Variants in DCTN4 observed in about 807,000 individuals in gnomAD.
DCTN4 encodes dynactin 4 (p62).
DCTN4 carries 23 observed loss-of-function variants against 62.7 expected under a neutral mutation model. The ratio of observed to expected loss-of-function variants is 0.37; its 90% CI spans 0.26 to 0.52. DCTN4 has a LOEUF of 0.52. Ranked by LOEUF, DCTN4 falls within the 20% of genes least tolerant of loss-of-function variation. The pLI, the probability that DCTN4 is intolerant of heterozygous loss-of-function variation, is 0.92. For missense variants in DCTN4, 514 were observed against 580.4 expected (o/e 0.89, Z 1.18); for synonymous variants, 199 against 202.1 (o/e 0.98, Z 0.13).
At chr5:150,715,427 C>T in intron 12 of DCTN4, 138 bp downstream of exon 12, 3 of 637,802 alleles carry the variant, frequency 4.7e-6, no homozygotes, top group Admixed American at 3.1e-5. Context: ...CATATATTTC[C>T]CCAATTTTCT....
chr5:150,713,648 T>C (rs1759653061), intron 12 of DCTN4, among the ~76,000 whole-genome samples: 1 of 151,484 alleles, frequency 6.6e-6, no homozygotes, highest in Middle Eastern at 3.4e-3. Context: ...TTCGCCATGT[T>C]GGCCAGGCTG....
intron 4 of DCTN4, among the ~76,000 whole-genome samples, chr5:150,740,474 C>G (rs1317848385): frequency 6.6e-6 from 1 of 151,984 alleles, no homozygotes; most frequent in East Asian, 1.9e-4. Flanking sequence ...TAGTACACCA[C>G]TATGGAAAAC....
At chr5:150,744,000 G>A (rs1561705549) in intron 3 of DCTN4, among the ~76,000 whole-genome samples, 1 of 152,182 alleles carries the variant, frequency 6.6e-6, no homozygotes, top group Non-Finnish European at 1.5e-5. Flanking sequence ...CCGAGCTACA[G>A]GAGGAAATTC....
At chr5:150,758,013 T>C (rs944875642) in intron 1 of DCTN4, 3 of 916,350 alleles carry the variant, frequency 3.3e-6, no homozygotes, top group East Asian at 2.3e-4. Flanking sequence ...ATAAAGCACA[T>C]GACATATAGC....
At position 150,731,459 on chromosome 5, in the gene DCTN4, G is replaced by A. The variant is rs200481750; in HGVS notation, c.568C>T (p.Arg190Ter). Residue 190 changes from arginine to a stop codon, truncating the protein, a stop_gained, in exon 6 of 13, where the codon CGA becomes TGA. Coordinates refer to ENST00000447998, the MANE Select transcript of DCTN4 (RefSeq NM_016221.4). LOFTEE classifies it high-confidence loss of function. ...DKYGLGTRLQ[R>*]PRAGASISTL... is the part of the protein sequence containing the mutation. ...CTGATGGATGCACCAGCTCGTGGTC[G>A]CTGAAGCCTGGTTCCAAGACCATAT... 7.4e-6 allele frequency: 12 copies of A among 1,613,568 alleles called. No homozygotes were observed. The highest frequency in any genetic ancestry group is 1.0e-5 in the Non-Finnish European group (12 of 1,179,986).
Position 150,708,553 on chromosome 5 carries a change from A to T in DCTN4, c.*2596T>A, listed in dbSNP as rs2151461079. ...ATAATGGTTCTGTGAATATGTATAT[A>T]AGAAGCTCAAAGCAACATCTACTTA... On this transcript the variant is annotated 3_prime_UTR_variant, in exon 13 of 13. Transcript: ENST00000447998. The T allele has an allele frequency of 6.5e-6, 1 of 152,762 alleles. No homozygotes were observed. Among genetic ancestry groups the T allele is most frequent in the East Asian group, 1.9e-4 (1 of 5,190 alleles). 9.5% of individuals were successfully genotyped at this position (152,762 alleles called of 1,614,324 possible). A position where few individuals can be genotyped will look rare whatever the true frequency, so the allele number is the denominator to read the frequency against.
intron 3 of DCTN4, among the ~76,000 whole-genome samples, chr5:150,752,388 A>G (rs548382859): frequency 2.6e-5 from 4 of 152,288 alleles, no homozygotes; most frequent in Admixed American, 2.0e-4. Context: ...AAACATACCA[A>G]TTTTTCTCTT....
rs76624379 is a variant in DCTN4, at chr5:150,752,675, C to T, written c.385+804G>A. Among the ~76,000 whole-genome samples the T allele has an allele frequency of 2.4e-4, 36 of 152,198 alleles. No homozygotes were observed. The East Asian group carries it at 5.0e-3, about 21-fold the overall frequency. On this transcript the variant is annotated intron_variant, in intron 3 of 12. Transcript: ENST00000447998. ...GCATTTACATGACTACTAGGGAAGT[C>T]GAATACATCTTTTTGCATATTCATT... is the stretch of plus-strand genomic sequence containing the variant.
intron 5 of DCTN4, chr5:150,731,824 G>C: frequency 1.4e-6 from 2 of 1,453,374 alleles, no homozygotes; most frequent in African/African-American, 1.4e-5. Flanking sequence ...CGTCTTCCTG[G>C]AACACCAGTG....
chr5:150,743,574 A>C (rs1760849220), intron 3 of DCTN4, among the ~76,000 whole-genome samples: 2 of 152,160 alleles, frequency 1.3e-5, no homozygotes, highest in South Asian at 4.1e-4. Context: ...CTGACACCTC[A>C]CACGGCCGGG....
intron 2 of DCTN4, among the ~76,000 whole-genome samples, chr5:150,754,280 G>A (rs1463896689): frequency 6.6e-6 from 1 of 152,144 alleles, no homozygotes; most frequent in East Asian, 1.9e-4. Context: ...CTGCAGTCCT[G>A]TACCTGCTTG....
At chr5:150,715,748 A>G in intron 11 of DCTN4, 86 bp from the exon 12 acceptor site, 1 of 1,051,392 alleles carries the variant, frequency 9.5e-7, no homozygotes, top group Admixed American at 2.0e-5. Flanking sequence ...AGACAAATGG[A>G]AGCACACAGC....
chr5:150,733,548 C>T, intron 4 of DCTN4, 73 bp from the exon 5 acceptor site: 1 of 1,029,416 alleles, frequency 9.7e-7, no homozygotes, highest in South Asian at 1.4e-5. Context: ...ACTACACTGA[C>T]TAGACACATA....
At chr5:150,758,558 G>A (rs1429369179) in intron 1 of DCTN4, 3 of 1,119,444 alleles carry the variant, frequency 2.7e-6, no homozygotes, top group African/African-American at 1.6e-5. Flanking sequence ...AGCACCCCCA[G>A]ACCTTTCTCC....
At position 150,710,076 on chromosome 5, in the gene DCTN4, A is replaced by AGT. The variant is rs1333227031; in HGVS notation, c.*1072_*1073insAC. The AGT allele has an allele frequency of 3.9e-5, 6 of 152,504 alleles. No individual in the cohort carries two copies. The highest frequency in any genetic ancestry group is 1.2e-4 in the African/African-American group (5 of 41,590). The allele number at this position is 152,504 out of a possible 1,614,324, so 9.4% of individuals were successfully genotyped here. A position where few individuals can be genotyped will look rare whatever the true frequency, so the allele number is the denominator to read the frequency against. The stretch of plus-strand genomic sequence containing the variant: ...ATGGTCTTATTTGACTCACCACATG[A>AGT]CAAAAGTCTTAAACTTAGTAAGGGG... On this transcript the variant is annotated 3_prime_UTR_variant, in exon 13 of 13. Transcript: ENST00000447998.
intron 3 of DCTN4, among the ~76,000 whole-genome samples, chr5:150,746,945 C>G (rs2113124493): frequency 6.6e-6 from 1 of 152,168 alleles, no homozygotes; most frequent in African/African-American, 2.4e-5. Flanking sequence ...CCAGGGCAAT[C>G]AGGCAGGAGA....
intron 8 of DCTN4, among the ~76,000 whole-genome samples, chr5:150,727,074 G>A (rs1760172262): frequency 2.6e-5 from 4 of 152,120 alleles, no homozygotes; most frequent in African/African-American, 9.7e-5. Flanking sequence ...GGAAGAACAA[G>A]GATAATGGCG....
Position 150,711,036 on chromosome 5 carries a change from G to T in DCTN4, c.*113C>A. ...CCCACTTTCTTAGCAATAGAATTCC[G>T]TAGTGCATGGGTACATCGTTATAAA... On this transcript the variant is annotated 3_prime_UTR_variant, in exon 13 of 13. Coordinates refer to ENST00000447998, the MANE Select transcript of DCTN4 (RefSeq NM_016221.4). The T allele has an allele frequency of 9.9e-7, 1 of 1,011,868 alleles. No individual in the cohort carries two copies. The highest frequency in any genetic ancestry group is 1.5e-6 in the Non-Finnish European group (1 of 680,236). The allele number at this position is 1,011,868 out of a possible 1,614,324, so 62.7% of individuals were successfully genotyped here. A position where few individuals can be genotyped will look rare whatever the true frequency, so the allele number is the denominator to read the frequency against.
At chr5:150,738,943 G>T (rs921082913) in intron 4 of DCTN4, among the ~76,000 whole-genome samples, 1 of 152,052 alleles carries the variant, frequency 6.6e-6, no homozygotes, top group African/African-American at 2.4e-5. Flanking sequence ...CCTGTAACCC[G>T]AACACTTTGG....
Sources: gnomAD v4.1 joint callset for allele counts (sites outside exome capture counted in the v4.1 genomes callset) on GRCh38, gnomAD v4.1.1 for gene constraint, MANE v1.5 for transcripts, NCBI Gene and HGNC (gene_info 2026-07-23, HGNC 2026-07-21) for gene names.